Variants in LNX1 observed in about 807,000 individuals in gnomAD.
LNX1 encodes the protein E3 ubiquitin-protein ligase LNX.
Under a neutral mutation model 68.4 loss-of-function variants are expected in LNX1, and 54 were observed. The observed-to-expected ratio is 0.79, with a 90% confidence interval of 0.63 to 0.99. LNX1 has a LOEUF of 0.99. Ranked by LOEUF, LNX1 falls within the 50% of genes least tolerant of loss-of-function variation. LNX1 has a pLI of 0.00. For synonymous variants in LNX1, 336 were observed against 350.0 expected (o/e 0.96, Z 0.45); for missense variants, 906 against 926.4 (o/e 0.98, Z 0.29).
chr4:53,628,245 A>G (rs1318975637), intron 1 of LNX1, among the ~76,000 whole-genome samples: 1 of 152,240 alleles, frequency 6.6e-6, no homozygotes, highest in African/African-American at 2.4e-5. Context: ...CAAACTATGC[A>G]TCCAACAAAG....
At chr4:53,607,769 CAG>C (rs1347583765) in intron 2 of LNX1, among the ~76,000 whole-genome samples, 1 of 152,134 alleles carries the variant, frequency 6.6e-6, no homozygotes, top group African/African-American at 2.4e-5. Context: ...GGTACAAAAA[CAG>C]ACACATAGAC....
upstream of LNX1, among the ~76,000 whole-genome samples, chr4:53,618,616 C>T (rs1446787468): frequency 3.3e-5 from 5 of 152,148 alleles, no homozygotes; most frequent in East Asian, 7.7e-4. Context: ...TTTTCATGTT[C>T]TTTACAAAGA....
chr4:53,545,115 A>G (rs560921665), intron 2 of LNX1, among the ~76,000 whole-genome samples: 7 of 152,364 alleles, frequency 4.6e-5, no homozygotes, highest in East Asian at 1.9e-4. Flanking sequence ...GTAATCTTTC[A>G]TCAATTAGCT....
At chr4:53,471,667 G>A (rs1430685754) in intron 9 of LNX1, among the ~76,000 whole-genome samples, 1 of 152,110 alleles carries the variant, frequency 6.6e-6, no homozygotes, top group Non-Finnish European at 1.5e-5. Context: ...CCATCAAAAA[G>A]TGGGGAAAGG....
At chr4:53,504,411 A>C (rs1025764327) in intron 4 of LNX1, among the ~76,000 whole-genome samples, 2 of 152,238 alleles carry the variant, frequency 1.3e-5, no homozygotes, top group Admixed American at 6.5e-5. Flanking sequence ...AATCAAAGAA[A>C]GTTAGGACCT....
intron 1 of LNX1, among the ~76,000 whole-genome samples, chr4:53,640,731 G>C (rs1371885667): frequency 2.0e-5 from 3 of 152,190 alleles, no homozygotes; most frequent in African/African-American, 7.2e-5. Context: ...GTTTGCAAAA[G>C]AAAACTGCCT....
At chr4:53,583,965 C>A (rs1448400977) in intron 1 of LNX1, among the ~76,000 whole-genome samples, 3 of 150,436 alleles carry the variant, frequency 2.0e-5, no homozygotes, top group African/African-American at 7.5e-5. Flanking sequence ...ACAACAACAA[C>A]AACAACAACG....
intron 2 of LNX1, among the ~76,000 whole-genome samples, chr4:53,528,720 A>G (rs1727805621): frequency 6.6e-6 from 1 of 152,136 alleles, no homozygotes; most frequent in South Asian, 2.1e-4. Flanking sequence ...AACTAGTGAG[A>G]ACAGATAATT....
At chr4:53,585,021 T>TG (rs1399928482) in intron 1 of LNX1, among the ~76,000 whole-genome samples, 1 of 152,032 alleles carries the variant, frequency 6.6e-6, no homozygotes, top group East Asian at 1.9e-4. Flanking sequence ...GTAGTCCAGA[T>TG]GGTGGTAAAA....
chr4:53,621,992 A>G (rs144932510), upstream of LNX1, among the ~76,000 whole-genome samples: 2 of 152,228 alleles, frequency 1.3e-5, no homozygotes, highest in East Asian at 1.9e-4. Flanking sequence ...AACAATTCTC[A>G]TATACATTGG....
chr4:53,478,591 A>T lies in LNX1; in HGVS notation c.1637T>A (p.Ile546Lys). 6.2e-7 allele frequency: 1 copy of T among 1,613,128 alleles called. No individual in the cohort carries two copies. The highest frequency in any genetic ancestry group is 8.5e-7 in the Non-Finnish European group (1 of 1,179,524). ...YVISVEPGGVISRDGRIKTGD... is the reference protein window; with the variant it reads ...YVISVEPGGVKSRDGRIKTGD... ...TGTTTTTATTCTTCCATCTCTGCTT[A>T]TGACTCCTCCGGGCTCAACACTGAT... Residue 546 changes from isoleucine to lysine, a missense_variant, in exon 8 of 11, where the codon ATA becomes AAA. Physicochemically the swap from Ile to Lys is moderately radical, Grantham distance 102. Transcript: ENST00000263925.
chr4:53,645,704 T>C (rs1734858553), intron 1 of LNX1, among the ~76,000 whole-genome samples: 2 of 152,194 alleles, frequency 1.3e-5, no homozygotes, highest in Admixed American at 1.3e-4. Context: ...CACTGCATTA[T>C]CTTGGCCTCT....
At chr4:53,603,748 C>A (rs970997161) in intron 2 of LNX1, 1 of 152,200 alleles carries the variant, frequency 6.6e-6, no homozygotes, top group Admixed American at 6.5e-5. Context: ...CATGAGAAAT[C>A]TGCCCCCATG....
chr4:53,474,923 C>T (rs375092041), intron 9 of LNX1, among the ~76,000 whole-genome samples: 2 of 152,174 alleles, frequency 1.3e-5, no homozygotes, highest in African/African-American at 4.8e-5. Context: ...TGTGCCACCA[C>T]GCTTGGCTAA....
intron 1 of LNX1, among the ~76,000 whole-genome samples, chr4:53,636,499 C>T (rs1734484756): frequency 6.6e-6 from 1 of 152,066 alleles, no homozygotes; most frequent in Admixed American, 6.6e-5. Flanking sequence ...CTTGAGTGAC[C>T]TTAAGCAAAT....
intron 2 of LNX1, among the ~76,000 whole-genome samples, chr4:53,567,617 C>G (rs1730792572): frequency 6.6e-6 from 1 of 151,774 alleles, no homozygotes; most frequent in African/African-American, 2.4e-5. Context: ...CATTCCAAAG[C>G]TAGCAGAAGG....
intron 2 of LNX1, chr4:53,557,857 A>G (rs1326308119): frequency 1.2e-6 from 2 of 1,612,782 alleles, no homozygotes; most frequent in South Asian, 2.2e-5. Flanking sequence ...ACAGGCACGG[A>G]CAGAGAGGGG....
At chr4:53,575,773 CGAGT>C in intron 1 of LNX1, 1 of 1,566,232 alleles carries the variant, frequency 6.4e-7, no homozygotes, top group Non-Finnish European at 8.6e-7. Flanking sequence ...TCACAGTGGC[CGAGT>C]GAGTTTCTTG....
At chr4:53,573,243 G>A (rs540575410) in intron 2 of LNX1, among the ~76,000 whole-genome samples, 6 of 152,146 alleles carry the variant, frequency 3.9e-5, no homozygotes, top group Non-Finnish European at 5.9e-5. Flanking sequence ...GGGGGAAGGT[G>A]GAATGGGGAA....
Sources: allele counts gnomAD v4.1 joint callset (sites outside exome capture counted in the v4.1 genomes callset), GRCh38; gene constraint gnomAD v4.1.1; transcripts MANE v1.5; gene names NCBI Gene and HGNC (gene_info 2026-07-23, HGNC 2026-07-21).